The following RNF212B variants were observed in gnomAD, a reference collection of about 807,000 sequenced individuals.
RNF212B encodes E3 ubiquitin-protein ligase RNF212B.
In RNF212B, 52 loss-of-function variants were observed where a neutral mutation model predicts 55.5. That is an observed-to-expected ratio of 0.94 (90% CI 0.75 to 1.18). The LOEUF (loss-of-function observed/expected upper bound fraction) is 1.18, where lower values mean the gene tolerates loss of function less well. Among genes scored for constraint, RNF212B ranks in the 50% most tolerant of loss-of-function variants. The probability of loss-of-function intolerance (pLI) is 0.00; values close to 1 mark genes in which losing one functional copy is unlikely to be tolerated. For synonymous variants in RNF212B, 99 were observed against 121.4 expected (o/e 0.82, Z 1.21); for missense variants, 289 against 350.4 (o/e 0.82, Z 1.40).
intron 2 of RNF212B, among the ~76,000 whole-genome samples, chr14:23,200,938 T>C (rs1879226697): frequency 6.6e-6 from 1 of 152,204 alleles, no homozygotes; most frequent in Non-Finnish European, 1.5e-5. Context: ...AGCTCACAAA[T>C]AGTTTTCAAA....
At chr14:23,272,336 C>A (rs1003338957) in intron 14 of RNF212B, 1 of 170,426 alleles carries the variant, frequency 5.9e-6, no homozygotes, top group African/African-American at 2.4e-5. Flanking sequence ...AGGAGAATGG[C>A]GTGAACCCGG....
intron 2 of RNF212B, among the ~76,000 whole-genome samples, chr14:23,232,610 C>T (rs1329865441): frequency 2.6e-5 from 4 of 151,288 alleles, no homozygotes; most frequent in Non-Finnish European, 4.4e-5. Context: ...GGTCAGCCCC[C>T]GCCCGGCCAG....
At chr14:23,209,272 C>T (rs1158316516) in intron 2 of RNF212B, among the ~76,000 whole-genome samples, 2 of 152,012 alleles carry the variant, frequency 1.3e-5, no homozygotes, top group African/African-American at 4.8e-5. Context: ...GTTCCTTTAC[C>T]GCAACCTGTT....
At position 23,272,935 on chromosome 14, in the gene RNF212B, C is replaced by CCCTAATGCGTACA; in HGVS notation, c.*44_*45insCCTAATGCGTACA. The CCCTAATGCGTACA allele has an allele frequency of 1.7e-6, 2 of 1,188,174 alleles. No individual in the cohort carries two copies. Among genetic ancestry groups the CCCTAATGCGTACA allele is most frequent in the South Asian group, 2.9e-5 (2 of 68,050 alleles). 73.6% of individuals were successfully genotyped at this position (1,188,174 alleles called of 1,614,324 possible). On this transcript the variant is annotated 3_prime_UTR_variant, in exon 15 of 15. Coordinates refer to ENST00000430154, the MANE Select transcript of RNF212B (RefSeq NM_001282322.3). ...TCTATACATGCTGCTGAAGGATGGACTGTAGCTTCCAGTACGCATTAGGGG... is the reference window on the plus strand; with the variant it reads ...TCTATACATGCTGCTGAAGGATGGACCCTAATGCGTACATGTAGCTTCCAGTACGCATTAGGGG...
intron 4 of RNF212B, among the ~76,000 whole-genome samples, chr14:23,253,863 C>T (rs1021666103): frequency 6.6e-6 from 1 of 152,130 alleles, no homozygotes; most frequent in Admixed American, 6.5e-5. Context: ...TCAAAGAGAT[C>T]GTGAATTTAC....
chr14:23,265,116 C>A (rs566286559), intron 11 of RNF212B, among the ~76,000 whole-genome samples: 1 of 152,288 alleles, frequency 6.6e-6, no homozygotes, highest in Admixed American at 6.5e-5. Flanking sequence ...CCACTGTGCC[C>A]GGCCTACAAG....
intron 2 of RNF212B, among the ~76,000 whole-genome samples, chr14:23,199,981 A>G (rs1202310019): frequency 6.6e-6 from 1 of 152,120 alleles, no homozygotes; most frequent in Non-Finnish European, 1.5e-5. Flanking sequence ...AGAAACAATT[A>G]GAATTCAGCC....
intron 4 of RNF212B, among the ~76,000 whole-genome samples, chr14:23,244,702 A>G (rs1369656597): frequency 6.6e-6 from 1 of 152,220 alleles, no homozygotes; most frequent in East Asian, 1.9e-4. Context: ...CAGCAGATAG[A>G]TGCACCTTCT....
At chr14:23,217,321 T>C (rs1195792028) in intron 2 of RNF212B, among the ~76,000 whole-genome samples, 2 of 151,752 alleles carry the variant, frequency 1.3e-5, no homozygotes, top group Non-Finnish European at 2.9e-5. Flanking sequence ...TATTGTGGTG[T>C]GAGTGCCAGC....
At chr14:23,269,457 G>A (rs970626321) in intron 12 of RNF212B, among the ~76,000 whole-genome samples, 3 of 152,076 alleles carry the variant, frequency 2.0e-5, no homozygotes, top group Non-Finnish European at 2.9e-5. Context: ...ATTTTGGCCC[G>A]GTAGTGGCTC....
chr14:23,230,736 G>A (rs992748304), intron 2 of RNF212B, among the ~76,000 whole-genome samples: 1 of 148,262 alleles, frequency 6.7e-6, no homozygotes, highest in Non-Finnish European at 1.5e-5. Flanking sequence ...TCTTCTAAGA[G>A]TTTTAGAGTT....
intron 2 of RNF212B, among the ~76,000 whole-genome samples, chr14:23,226,496 C>T (rs1165284098): frequency 7.3e-5 from 11 of 150,208 alleles, no homozygotes; most frequent in South Asian, 2.1e-4. Context: ...CCGGACATGG[C>T]GGCGTGCGCC....
intron 14 of RNF212B, 42 bp downstream of exon 14, chr14:23,270,703 A>C: frequency 2.1e-3 from 2,887 of 1,344,136 alleles, no homozygotes; most frequent in Non-Finnish European, 2.7e-3. Context: ...ATAAAATCTC[A>C]CATGGTTAGG....
rs200427533 is a variant in RNF212B at position 23,239,967 on chromosome 14, AC to A, written c.-1-376del. ...ACTGGCACATGTATTAATCCAGAAA[AC>A]CTGGGGGAAAAAAAAGTAAAGGAAA... is the stretch of plus-strand genomic sequence containing the variant. On this transcript the variant is annotated intron_variant, in intron 1 of 14. Transcript: ENST00000430154. Among the ~76,000 whole-genome samples the A allele has an allele frequency of 4.6e-5, 7 of 151,052 alleles. No individual in the cohort carries two copies. In the East Asian group the frequency reaches 1.4e-3, roughly 29 times the overall value.
rs775791221 is a variant in RNF212B at position 23,269,937 on chromosome 14, G to A, written c.749G>A (p.Arg250Lys). 1 of 1,546,866 alleles carries A rather than the reference G, an allele frequency of 6.5e-7. No homozygotes were observed. The highest frequency in any genetic ancestry group is 1.2e-5 in the South Asian group (1 of 83,978). ...PSPNGHSGHTRVLTPNNFAQR... is the reference protein window; with the variant it reads ...PSPNGHSGHTKVLTPNNFAQR... ...CCAAATGGGCATTCAGGCCACACAA[G>A]AGTCCTCACCCCCAACAATTTTGGT... The change falls in exon 13 of 15, where the codon AGA becomes AAA. Residue 250 changes from arginine (R) to lysine (K), a missense_variant. Coordinates refer to ENST00000430154, the MANE Select transcript of RNF212B (RefSeq NM_001282322.3).
intron 2 of RNF212B, among the ~76,000 whole-genome samples, chr14:23,217,859 G>A (rs1881237116): frequency 6.6e-6 from 1 of 151,904 alleles, no homozygotes; most frequent in Non-Finnish European, 1.5e-5. Flanking sequence ...ACACCATCCA[G>A]GGAGACATGA....
intron 2 of RNF212B, among the ~76,000 whole-genome samples, chr14:23,206,874 T>G (rs1267619323): frequency 6.6e-6 from 1 of 151,320 alleles, no homozygotes; most frequent in Non-Finnish European, 1.5e-5. Context: ...AAAACAGAAT[T>G]CAGATAACTG....
chr14:23,225,543 A>T (rs1259922290), intron 2 of RNF212B, among the ~76,000 whole-genome samples: 1 of 152,186 alleles, frequency 6.6e-6, no homozygotes, highest in Non-Finnish European at 1.5e-5. Flanking sequence ...TGTTAAGTGA[A>T]AAAAGCCAGG....
At chr14:23,244,996 C>A (rs995251016) in intron 4 of RNF212B, among the ~76,000 whole-genome samples, 1 of 152,116 alleles carries the variant, frequency 6.6e-6, no homozygotes, top group Admixed American at 6.6e-5. Flanking sequence ...GCAGGACAAC[C>A]ATTTGAGAGA....
Sources: allele counts gnomAD v4.1 joint callset (sites outside exome capture counted in the v4.1 genomes callset), GRCh38; gene constraint gnomAD v4.1.1; transcripts MANE v1.5; gene names NCBI Gene and HGNC (gene_info 2026-07-23, HGNC 2026-07-21).